The following TLK1 variants were observed in gnomAD, a reference collection of about 807,000 sequenced individuals.
TLK1 encodes the protein serine/threonine-protein kinase tousled-like 1.
TLK1 carries 24 observed loss-of-function variants against 105.3 expected under a neutral mutation model. The ratio of observed to expected loss-of-function variants is 0.23; its 90% CI spans 0.17 to 0.32. The LOEUF is 0.32. Among genes scored for constraint, TLK1 ranks in the 10% least tolerant of loss-of-function variants. The probability of loss-of-function intolerance (pLI) is 1.00; values close to 1 mark genes in which losing one functional copy is unlikely to be tolerated. For synonymous variants in TLK1, 321 were observed against 310.4 expected, an observed-to-expected ratio of 1.03 and a Z score of -0.36; for missense variants, 558 against 910.5, an observed-to-expected ratio of 0.61 and a Z score of 4.98.
At chr2:171,224,720 A>C (rs1693867919) in intron 1 of TLK1, among the ~76,000 whole-genome samples, 1 of 152,170 alleles carries the variant, frequency 6.6e-6, no homozygotes, top group Non-Finnish European at 1.5e-5. Flanking sequence ...TAAAATTTAT[A>C]TGGAAATGCA....
At chr2:171,018,145 T>C (rs1685296964) in intron 12 of TLK1, among the ~76,000 whole-genome samples, 1 of 152,170 alleles carries the variant, frequency 6.6e-6, no homozygotes, top group East Asian at 1.9e-4. Flanking sequence ...GCCTTCATGA[T>C]GGGATTAGTG....
At chr2:171,036,271 C>T (rs1185954669) in intron 11 of TLK1, among the ~76,000 whole-genome samples, 2 of 152,052 alleles carry the variant, frequency 1.3e-5, no homozygotes, top group African/African-American at 4.8e-5. Flanking sequence ...ATGGTGAAAC[C>T]CTGTTTCTAT....
At chr2:171,169,068 A>G (rs901690578) in intron 1 of TLK1, among the ~76,000 whole-genome samples, 2 of 151,056 alleles carry the variant, frequency 1.3e-5, no homozygotes, top group Non-Finnish European at 2.9e-5. Flanking sequence ...ACAGAGTGAG[A>G]CCCTTTCTCA....
At chr2:171,138,771 C>T (rs372343729) in intron 1 of TLK1, among the ~76,000 whole-genome samples, 18 of 152,270 alleles carry the variant, frequency 1.2e-4, no homozygotes, top group African/African-American at 3.8e-4. Context: ...CCCTACTTAA[C>T]AAGCCAAACA....
intron 3 of TLK1, among the ~76,000 whole-genome samples, chr2:171,071,305 T>TG (rs1342670249): frequency 4.6e-5 from 7 of 152,108 alleles, no homozygotes; most frequent in African/African-American, 1.7e-4. Flanking sequence ...TTTTTTTTTT[T>TG]GACATGGAGT....
At chr2:171,078,359 G>C (rs897410481) in intron 3 of TLK1, among the ~76,000 whole-genome samples, 1 of 152,054 alleles carries the variant, frequency 6.6e-6, no homozygotes, top group African/African-American at 2.4e-5. Context: ...CCAACATAGT[G>C]AAACCCCGTC....
At chr2:171,096,352 CTT>C (rs1388216647) in intron 2 of TLK1, among the ~76,000 whole-genome samples, 2 of 152,020 alleles carry the variant, frequency 1.3e-5, no homozygotes, top group Admixed American at 6.6e-5. Context: ...ATAAAATAAA[CTT>C]TTTTTAAAAT....
intron 12 of TLK1, among the ~76,000 whole-genome samples, chr2:171,020,792 C>T (rs1347754884): frequency 6.6e-6 from 1 of 151,760 alleles, no homozygotes; most frequent in Non-Finnish European, 1.5e-5. Flanking sequence ...ACTATTGCAC[C>T]ATAATCATAT....
In TLK1 at chr2:171,089,279, G is replaced by A. The variant is rs141645690; in HGVS notation, c.259-6427C>T. ...TCACACCTTACTGTGTCATTTCAAC[G>A]TAGTTACATTTATCAAATGTTTTTC... On this transcript the variant is annotated intron_variant, in intron 2 of 20. Coordinates refer to ENST00000431350, the MANE Select transcript of TLK1 (RefSeq NM_012290.5). Among the ~76,000 whole-genome samples the A allele has an allele frequency of 4.7e-4, 71 of 152,292 alleles. 1 individual carries two copies. In the Middle Eastern group the frequency reaches 0.017, roughly 36 times the overall value.
intron 3 of TLK1, among the ~76,000 whole-genome samples, chr2:171,072,925 T>C (rs1360213366): frequency 3.7e-5 from 4 of 107,554 alleles, no homozygotes; most frequent in African/African-American, 1.3e-4. Flanking sequence ...CAAGACTCTG[T>C]CTCGAAAAAA....
At chr2:170,994,879 T>C (rs982510508) in intron 20 of TLK1, among the ~76,000 whole-genome samples, 13 of 152,278 alleles carry the variant, frequency 8.5e-5, no homozygotes, top group African/African-American at 3.1e-4. Context: ...AGATAAAATA[T>C]TCTCAGGAGG....
intron 4 of TLK1, 119 bp downstream of exon 4, chr2:171,060,962 G>T: frequency 1.0e-6 from 1 of 953,876 alleles, no homozygotes; most frequent in Non-Finnish European, 1.6e-6. Flanking sequence ...AACTACCTGT[G>T]CACACACCAA....
intron 1 of TLK1, among the ~76,000 whole-genome samples, chr2:171,135,906 G>C (rs934011614): frequency 3.3e-5 from 5 of 152,202 alleles, no homozygotes; most frequent in African/African-American, 1.2e-4. Context: ...GAAAAAAAGT[G>C]TTGTCAAGGA....
intron 1 of TLK1, among the ~76,000 whole-genome samples, chr2:171,182,014 G>A (rs1019710): frequency 0.045 from 6,849 of 152,142 alleles, 446 homozygotes; most frequent in East Asian, 0.29. Flanking sequence ...ACTCTGGGTC[G>A]ATCCAACCAG....
chr2:171,043,481 G>C (rs1686790613), intron 11 of TLK1, among the ~76,000 whole-genome samples: 2 of 152,094 alleles, frequency 1.3e-5, no homozygotes, highest in Non-Finnish European at 2.9e-5. Context: ...CTTTGTTAGG[G>C]TTATAGGGAA....
intron 2 of TLK1, among the ~76,000 whole-genome samples, chr2:171,094,154 A>C (rs1383285744): frequency 6.9e-6 from 1 of 144,992 alleles, no homozygotes; most frequent in Non-Finnish European, 1.6e-5. Flanking sequence ...TTTAAAGTAA[A>C]TATAATTAGA....
chr2:171,127,835 T>A (rs1690933610), intron 1 of TLK1, among the ~76,000 whole-genome samples: 1 of 152,196 alleles, frequency 6.6e-6, no homozygotes, highest in Admixed American at 6.5e-5. Flanking sequence ...AAACTATTTA[T>A]CTGTTTCTGA....
chr2:171,063,708 A>G (rs554629682), intron 3 of TLK1, among the ~76,000 whole-genome samples: 7 of 152,216 alleles, frequency 4.6e-5, no homozygotes, highest in Non-Finnish European at 8.8e-5. Flanking sequence ...GTTCAATGGT[A>G]GGTTGAGAAG....
chr2:171,057,585 T>A (rs1215557369), intron 5 of TLK1, among the ~76,000 whole-genome samples: 1 of 152,012 alleles, frequency 6.6e-6, no homozygotes, highest in Non-Finnish European at 1.5e-5. Context: ...AAAAAATCAG[T>A]CCTTCCCTTA....
Sources: gnomAD v4.1 joint callset for allele counts (sites outside exome capture counted in the v4.1 genomes callset) on GRCh38, gnomAD v4.1.1 for gene constraint, MANE v1.5 for transcripts, NCBI Gene and HGNC (gene_info 2026-07-23, HGNC 2026-07-21) for gene names.